The following ZBTB7C variants were observed in gnomAD, a reference collection of about 807,000 sequenced individuals.
The protein encoded by ZBTB7C is zinc finger and BTB domain-containing protein 7C.
A neutral mutation model predicts 25.7 loss-of-function variants in ZBTB7C; 8 were observed. The ratio of observed to expected loss-of-function variants is 0.31; its 90% CI spans 0.18 to 0.56. ZBTB7C has a LOEUF of 0.56. ZBTB7C is among the 20% of genes least tolerant of loss of function. The pLI is 0.91. For synonymous variants in ZBTB7C, 394 were observed against 369.0 expected (o/e 1.07, Z -0.78); for missense variants, 824 against 855.2 (o/e 0.96, Z 0.46).
chr18:48,271,460 CTG>C (rs1455003739), intron 2 of ZBTB7C, among the ~76,000 whole-genome samples: 9 of 148,956 alleles, frequency 6.0e-5, no homozygotes, highest in South Asian at 2.1e-4. Context: ...TATCAATAAA[CTG>C]TATGTATATG....
chr18:48,364,038 C>T (rs1324923894), intron 1 of ZBTB7C: 1 of 152,282 alleles, frequency 6.6e-6, no homozygotes, highest in East Asian at 1.9e-4. Flanking sequence ...CTCCTGCAGG[C>T]TTTCCCCACC....
intron 3 of ZBTB7C, chr18:48,165,597 C>T (rs917463710): frequency 1.9e-5 from 3 of 159,170 alleles, no homozygotes; most frequent in Non-Finnish European, 4.1e-5. Flanking sequence ...TGTCCCTCAC[C>T]GCCACCGCCC....
intron 3 of ZBTB7C, among the ~76,000 whole-genome samples, chr18:48,122,664 A>G (rs1216360682): frequency 6.6e-6 from 1 of 152,186 alleles, no homozygotes; most frequent in Non-Finnish European, 1.5e-5. Context: ...ATGGGCAGCA[A>G]AATGCAAGGG....
intron 1 of ZBTB7C, among the ~76,000 whole-genome samples, chr18:48,372,339 A>G (rs2047407125): frequency 6.6e-6 from 1 of 152,212 alleles, no homozygotes; most frequent in Non-Finnish European, 1.5e-5. Flanking sequence ...AGTGCTCAGC[A>G]AGTGTGCATG....
At chr18:48,332,086 C>T (rs2046353476) in intron 2 of ZBTB7C, among the ~76,000 whole-genome samples, 1 of 152,172 alleles carries the variant, frequency 6.6e-6, no homozygotes, top group Non-Finnish European at 1.5e-5. Context: ...CCAATATATC[C>T]TTCTACAGTA....
At chr18:48,299,178 AG>A (rs1263395522) in intron 2 of ZBTB7C, among the ~76,000 whole-genome samples, 2 of 152,220 alleles carry the variant, frequency 1.3e-5, no homozygotes, top group Admixed American at 1.3e-4. Flanking sequence ...CCTGGAGGAG[AG>A]GGAAAGGTAC....
At chr18:48,103,144 CTATCTATCT>C (rs2038908148) in intron 3 of ZBTB7C, among the ~76,000 whole-genome samples, 1 of 144,380 alleles carries the variant, frequency 6.9e-6, no homozygotes, top group Non-Finnish European at 1.5e-5. Context: ...ATCTATCTAT[CTATCTATCT>C]ATCTATCTGA....
chr18:48,209,010 T>C (rs1051063794), intron 2 of ZBTB7C, among the ~76,000 whole-genome samples: 28 of 152,178 alleles, frequency 1.8e-4, no homozygotes, highest in African/African-American at 6.8e-4. Flanking sequence ...ACTAAATAGA[T>C]GACAGCCTGG....
chr18:48,138,232 G>C (rs2040234361), intron 3 of ZBTB7C, among the ~76,000 whole-genome samples: 1 of 152,256 alleles, frequency 6.6e-6, no homozygotes, highest in Non-Finnish European at 1.5e-5. Flanking sequence ...AAGGTGCATT[G>C]GCCATGAAGG....
At chr18:48,318,661 C>G (rs2046011937) in intron 2 of ZBTB7C, among the ~76,000 whole-genome samples, 1 of 152,218 alleles carries the variant, frequency 6.6e-6, no homozygotes, top group South Asian at 2.1e-4. Context: ...GCATACACCC[C>G]CTGGGGCAGG....
chr18:48,255,451 CAAACCAAA>C (rs2043993379), intron 2 of ZBTB7C, among the ~76,000 whole-genome samples: 1 of 152,070 alleles, frequency 6.6e-6, no homozygotes, highest in Non-Finnish European at 1.5e-5. Context: ...CCCAACAGAC[CAAACCAAA>C]ATGGAGTGTA....
chr18:48,154,356 G>A (rs1450648174), intron 3 of ZBTB7C, among the ~76,000 whole-genome samples: 2 of 152,212 alleles, frequency 1.3e-5, no homozygotes, highest in African/African-American at 4.8e-5. Flanking sequence ...TCTGCAGGCA[G>A]GGGCACAGCC....
At chr18:48,313,152 A>T (rs2045862409) in intron 2 of ZBTB7C, among the ~76,000 whole-genome samples, 1 of 152,238 alleles carries the variant, frequency 6.6e-6, no homozygotes, top group Non-Finnish European at 1.5e-5. Context: ...GTTATCCAAG[A>T]TGACACAGTA....
chr18:48,251,602 C>T (rs1483831853), intron 2 of ZBTB7C, among the ~76,000 whole-genome samples: 2 of 152,202 alleles, frequency 1.3e-5, no homozygotes, highest in African/African-American at 4.8e-5. Flanking sequence ...GCATGTTCAA[C>T]ATGGCGGCTC....
chr18:48,281,000 C>T (rs547813522), intron 2 of ZBTB7C, among the ~76,000 whole-genome samples: 8 of 152,012 alleles, frequency 5.3e-5, no homozygotes, highest in African/African-American at 1.7e-4. Flanking sequence ...ACTACAGGTG[C>T]CTGCCACCAT....
intron 3 of ZBTB7C, among the ~76,000 whole-genome samples, chr18:48,081,374 A>G (rs1376021323): frequency 6.6e-6 from 1 of 152,192 alleles, no homozygotes; most frequent in Non-Finnish European, 1.5e-5. Context: ...GATGTAGCCC[A>G]GGAAGGGGAG....
chr18:48,396,291 G>GA (rs2048027683), intron 1 of ZBTB7C, among the ~76,000 whole-genome samples: 1 of 152,176 alleles, frequency 6.6e-6, no homozygotes. Context: ...CAGATTAGGA[G>GA]ATGATTTGCA....
intron 2 of ZBTB7C, among the ~76,000 whole-genome samples, chr18:48,216,929 T>A (rs2042837836): frequency 6.6e-6 from 1 of 152,048 alleles, no homozygotes; most frequent in African/African-American, 2.4e-5. Flanking sequence ...TGAGAGTAGG[T>A]CTCTAATCTA....
chr18:48,224,044 G>C lies in ZBTB7C; in HGVS notation c.-78-38049C>G, dbSNP rs556322424. Among the ~76,000 whole-genome samples the C allele has an allele frequency of 2.0e-5, 3 of 152,134 alleles. No individual in the cohort carries two copies. In the East Asian group the frequency reaches 5.8e-4, roughly 29 times the overall value. ...GCTGAAGATGATGGAAAAGACTGAC[G>C]GAAGTCCCAGATGACTGTAGATATT... On this transcript the variant is annotated intron_variant, in intron 2 of 4. Coordinates refer to ENST00000590800, the MANE Select transcript of ZBTB7C (RefSeq NM_001318841.2).
Sources: gnomAD v4.1 joint callset for allele counts (sites outside exome capture counted in the v4.1 genomes callset) on GRCh38, gnomAD v4.1.1 for gene constraint, MANE v1.5 for transcripts, NCBI Gene and HGNC (gene_info 2026-07-23, HGNC 2026-07-21) for gene names.